The following ABI3BP variants were observed in gnomAD, a reference collection of about 807,000 sequenced individuals.
ABI3BP encodes ABI family member 3 binding protein.
Under a neutral mutation model 268.6 loss-of-function variants are expected in ABI3BP, and 216 were observed. The ratio of observed to expected loss-of-function variants is 0.80; its 90% confidence interval spans 0.72 to 0.90. ABI3BP has a LOEUF of 0.90. Ranked by LOEUF, ABI3BP falls within the 40% of genes least tolerant of loss-of-function variation. ABI3BP has a pLI of 0.00. For synonymous variants in ABI3BP, 730 were observed against 730.0 expected, an observed-to-expected ratio of 1.00 and a Z score of 0.00; for missense variants, 2,090 against 2,182.4, an observed-to-expected ratio of 0.96 and a Z score of 0.84.
At chr3:100,757,618 A>G (rs2149416108) in intron 63 of ABI3BP, among the ~76,000 whole-genome samples, 1 of 152,328 alleles carries the variant, frequency 6.6e-6, no homozygotes, top group East Asian at 1.9e-4. Context: ...CTTTAGTGCT[A>G]CAAAGTAATG....
intron 63 of ABI3BP, among the ~76,000 whole-genome samples, chr3:100,759,135 CTG>C (rs988444357): frequency 1.1e-4 from 17 of 152,222 alleles, no homozygotes; most frequent in African/African-American, 2.6e-4. Context: ...CTCAAGCAAA[CTG>C]TTTTTTATAT....
chr3:100,875,061 A>T (rs2099147072), intron 8 of ABI3BP, 128 bp from the exon 9 acceptor site: 1 of 534,738 alleles, frequency 1.9e-6, no homozygotes, highest in African/African-American at 1.9e-5. Context: ...ATTTTAACCC[A>T]AACTTTAAAA....
chr3:100,840,677 A>AGGTATTAAGGTT, intron 22 of ABI3BP, 143 bp downstream of exon 22: 2 of 644,134 alleles, frequency 3.1e-6, no homozygotes, highest in Non-Finnish European at 4.9e-6. Context: ...ATAGGAATTA[A>AGGTATTAAGGTT]CTTTTTTTTC....
intron 63 of ABI3BP, among the ~76,000 whole-genome samples, chr3:100,763,232 A>G (rs1144127): frequency 0.55 from 82,872 of 151,746 alleles, 23,545 homozygotes; most frequent in African/African-American, 0.63. Flanking sequence ...AAGCTGAGGC[A>G]GGTTAGTCAC....
intron 1 of ABI3BP, among the ~76,000 whole-genome samples, chr3:100,993,055 A>G (rs889152141): frequency 2.6e-5 from 4 of 152,234 alleles, no homozygotes; most frequent in Non-Finnish European, 5.9e-5. Context: ...TATACAGTTC[A>G]AGCTCTGATG....
chr3:100,825,432 G>A (rs1052656161), intron 35 of ABI3BP, among the ~76,000 whole-genome samples: 3 of 151,692 alleles, frequency 2.0e-5, no homozygotes, highest in South Asian at 2.1e-4. Flanking sequence ...AAGAATAGCC[G>A]TTATTGCCAA....
intron 44 of ABI3BP, among the ~76,000 whole-genome samples, chr3:100,814,431 T>C (rs2097953966): frequency 6.6e-6 from 1 of 152,112 alleles, no homozygotes; most frequent in Non-Finnish European, 1.5e-5. Flanking sequence ...TTATTTGTGC[T>C]GTTCCCACCC....
intron 21 of ABI3BP, 130 bp downstream of exon 21, chr3:100,841,868 C>CA (rs1316044009): frequency 2.7e-6 from 2 of 737,390 alleles, no homozygotes; most frequent in Admixed American, 3.2e-5. Context: ...CCAGCCTGGG[C>CA]AAAAAAACGA....
chr3:100,969,299 G>C (rs1379665206), intron 1 of ABI3BP, among the ~76,000 whole-genome samples: 1 of 152,158 alleles, frequency 6.6e-6, no homozygotes, highest in African/African-American at 2.4e-5. Context: ...TTAAAGCTGA[G>C]GCCAAGTGTG....
intron 2 of ABI3BP, among the ~76,000 whole-genome samples, chr3:100,920,013 C>T (rs1299670271): frequency 1.3e-5 from 2 of 152,106 alleles, no homozygotes; most frequent in South Asian, 2.1e-4. Context: ...AGCTACTGTG[C>T]CATCATCTTA....
At chr3:100,953,103 G>T (rs983851641) in intron 1 of ABI3BP, among the ~76,000 whole-genome samples, 2 of 151,902 alleles carry the variant, frequency 1.3e-5, no homozygotes, top group Non-Finnish European at 1.5e-5. Flanking sequence ...TTCATTTTTG[G>T]GTAAATGCAT....
At position 100,812,457 on chromosome 3, in the gene ABI3BP, A is replaced by G; in HGVS notation, c.3421+10T>C. ...CATATGCTTGACTTCCCATTGGGGAACATTTTTACCTATGGTCTCCTTTGG... is the reference window on the plus strand; with the variant it reads ...CATATGCTTGACTTCCCATTGGGGAGCATTTTTACCTATGGTCTCCTTTGG... On this transcript the variant is annotated intron_variant, in intron 46 of 67. Coordinates refer to ENST00000471714, the MANE Select transcript of ABI3BP (RefSeq NM_001375547.2). 7.7e-7 allele frequency: 1 copy of G among 1,292,426 alleles called. No homozygotes were observed. The highest frequency in any genetic ancestry group is 9.8e-7 in the Non-Finnish European group (1 of 1,019,198). 80.1% of individuals were successfully genotyped at this position (1,292,426 alleles called of 1,614,324 possible).
At chr3:100,787,917 C>A in intron 56 of ABI3BP, 115 bp from the exon 57 acceptor site, 1 of 620,250 alleles carries the variant, frequency 1.6e-6, no homozygotes, top group South Asian at 3.4e-5. Context: ...GATGACTTAC[C>A]AAAAATATTA....
Position 100,771,074 on chromosome 3 carries a change from A to G in ABI3BP, c.4532-122T>C, listed in dbSNP as rs1182394590. ...TATTATAAGCGGATGGTTGAAAGCC[A>G]TGATGTGGATGGTTCAAACTAGGAA... On this transcript the variant is annotated intron_variant, in intron 61 of 67. Coordinates refer to ENST00000471714, the MANE Select transcript of ABI3BP (RefSeq NM_001375547.2). 4.7e-6 allele frequency: 4 copies of G among 843,700 alleles called. No individual in the cohort carries two copies. The African/African-American group carries it at 5.3e-5, about 11-fold the overall frequency. 52.3% of individuals were successfully genotyped at this position (843,700 alleles called of 1,614,324 possible).
At chr3:100,840,721 G>T in intron 22 of ABI3BP, 99 bp downstream of exon 22, 1 of 1,051,780 alleles carries the variant, frequency 9.5e-7, no homozygotes, top group Non-Finnish European at 1.4e-6. Flanking sequence ...ACACACAAAG[G>T]GACATTAATG....
chr3:100,751,610 TG>T lies in ABI3BP; in HGVS notation c.5186del (p.Ser1729TyrfsTer3). On this transcript the variant is annotated frameshift_variant, in exon 67 of 68. Coordinates refer to ENST00000471714, the MANE Select transcript of ABI3BP (RefSeq NM_001375547.2). LOFTEE classifies it high-confidence loss of function. ...GCTGCCCAGTGCGTCCATCTAAAAA[TG>T]AATCCACAAACTGGCAGTGATCTTC... ...HGEDHCQFVD[S>X]FLDGRTGQQL... The T allele has an allele frequency of 6.2e-7, 1 of 1,601,826 alleles. No homozygotes were observed. The highest frequency in any genetic ancestry group is 1.3e-5 in the African/African-American group (1 of 74,846).
chr3:100,909,574 A>G (rs7626695), intron 2 of ABI3BP, among the ~76,000 whole-genome samples: 146,153 of 152,124 alleles, frequency 0.96, 70,463 homozygotes, highest in East Asian at 1. Flanking sequence ...TACAAGAAAA[A>G]AAAAACAAAC....
intron 36 of ABI3BP, 76 bp downstream of exon 36, chr3:100,824,782 A>AGCATTGACACTGCTTCAGTCCCCACT (rs1340687563): frequency 3.2e-6 from 4 of 1,242,334 alleles, no homozygotes. Flanking sequence ...GTTGCTGCTC[A>AGCATTGACACTGCTTCAGTCCCCACT]GCATTGACAC....
chr3:100,810,358 C>T, intron 49 of ABI3BP, 54 bp downstream of exon 49: 1 of 1,435,548 alleles, frequency 7.0e-7, no homozygotes. Flanking sequence ...GGTGACCATA[C>T]TGACATTCTG....
Sources: allele counts gnomAD v4.1 joint callset (sites outside exome capture counted in the v4.1 genomes callset), GRCh38; gene constraint gnomAD v4.1.1; transcripts MANE v1.5; gene names NCBI Gene and HGNC (gene_info 2026-07-23, HGNC 2026-07-21).